Variants in MEF2C observed in about 807,000 individuals in gnomAD.
The protein encoded by MEF2C is myocyte-specific enhancer factor 2C.
A neutral mutation model predicts 50.5 loss-of-function variants in MEF2C; 6 were observed. The ratio of observed to expected loss-of-function variants is 0.12; its 90% CI spans 0.07 to 0.23. The LOEUF is 0.23. Ranked by LOEUF, MEF2C falls within the 10% of genes least tolerant of loss-of-function variation. The pLI is 1.00. For missense variants in MEF2C, 276 were observed against 605.0 expected, an observed-to-expected ratio of 0.46 and a Z score of 5.70; for synonymous variants, 183 against 228.0, an observed-to-expected ratio of 0.80 and a Z score of 1.78.
At chr5:88,793,497 C>T (rs1794720159) in intron 3 of MEF2C, among the ~76,000 whole-genome samples, 1 of 152,058 alleles carries the variant, frequency 6.6e-6, no homozygotes, top group Admixed American at 6.6e-5. Context: ...TAGCATATAA[C>T]ACAGAGCAGG....
intron 3 of MEF2C, among the ~76,000 whole-genome samples, chr5:88,798,709 G>A (rs906858307): frequency 8.5e-5 from 13 of 152,072 alleles, no homozygotes; most frequent in Admixed American, 6.5e-4. Flanking sequence ...ATCCTTTGGA[G>A]GAGAAGAGGC....
chr5:88,839,520 A>G (rs2153308121), intron 1 of MEF2C: 1 of 152,318 alleles, frequency 6.6e-6, no homozygotes, highest in Admixed American at 6.5e-5. Flanking sequence ...ATTCAGTAAG[A>G]ACGAATCTGT....
chr5:88,833,550 G>A (rs777095549), intron 1 of MEF2C, among the ~76,000 whole-genome samples: 11 of 152,152 alleles, frequency 7.2e-5, no homozygotes, highest in Admixed American at 1.3e-4. Flanking sequence ...GCCAGCAGGG[G>A]TGGAAACTCT....
At chr5:88,868,081 G>C (rs1365682515) in intron 1 of MEF2C, among the ~76,000 whole-genome samples, 1 of 152,152 alleles carries the variant, frequency 6.6e-6, no homozygotes, top group Non-Finnish European at 1.5e-5. Flanking sequence ...TACCCCCTGT[G>C]TTGGAAATCA....
rs149210894 is a variant in MEF2C at position 88,732,694 on chromosome 5, T to A, written c.638-793A>T. The stretch of plus-strand genomic sequence containing the variant: ...GTGGGTATCCCAAGGTCTGCGTTTT[T>A]CATATTTCAAAATATGACCAAGAGA... On this transcript the variant is annotated intron_variant, in intron 6 of 10. Transcript: ENST00000504921. 8.5e-5 allele frequency among the ~76,000 whole-genome samples: 13 copies of A among 152,310 alleles called. No homozygotes were observed. In the East Asian group the frequency reaches 2.5e-3, roughly 29 times the overall value.
At chr5:88,738,487 C>T in intron 6 of MEF2C, 2 of 869,374 alleles carry the variant, frequency 2.3e-6, no homozygotes, top group Non-Finnish European at 2.8e-6. Flanking sequence ...AATGAGAAAA[C>T]CGAAGAAAAG....
At chr5:88,784,813 C>T (rs186242202) in intron 3 of MEF2C, among the ~76,000 whole-genome samples, 18 of 152,226 alleles carry the variant, frequency 1.2e-4, no homozygotes, top group Admixed American at 2.0e-4. Context: ...AAAATGGTTT[C>T]GCAGGGTTGT....
intron 3 of MEF2C, among the ~76,000 whole-genome samples, chr5:88,781,292 T>C (rs1482694078): frequency 1.3e-5 from 2 of 152,244 alleles, no homozygotes; most frequent in East Asian, 3.8e-4. Context: ...TTTAAAATTT[T>C]TGCCTAAATT....
chr5:88,873,911 G>GA (rs1830333254), intron 1 of MEF2C, among the ~76,000 whole-genome samples: 1 of 151,762 alleles, frequency 6.6e-6, no homozygotes, highest in South Asian at 2.1e-4. Context: ...ATTTAGTTAA[G>GA]AAAAATCATC....
intron 2 of MEF2C, among the ~76,000 whole-genome samples, chr5:88,819,609 C>G (rs1327523201): frequency 1.3e-5 from 2 of 151,956 alleles, no homozygotes; most frequent in Non-Finnish European, 2.9e-5. Flanking sequence ...AGGCCTTTCT[C>G]CAACCCTGAT....
chr5:88,872,981 A>G (rs1156567323), intron 1 of MEF2C, among the ~76,000 whole-genome samples: 1 of 151,912 alleles, frequency 6.6e-6, no homozygotes, highest in African/African-American at 2.4e-5. Flanking sequence ...CTCTCTCGAG[A>G]GTGTATCTTC....
At chr5:88,723,118 G>A (rs1018852543) in intron 10 of MEF2C, among the ~76,000 whole-genome samples, 193 bp from the exon 11 acceptor site, 4 of 152,246 alleles carry the variant, frequency 2.6e-5, no homozygotes, top group Admixed American at 6.5e-5. Context: ...TGATTTGCCC[G>A]GTAGTAATTA....
chr5:88,857,232 C>A (rs1227336222), intron 1 of MEF2C, among the ~76,000 whole-genome samples: 2 of 152,154 alleles, frequency 1.3e-5, no homozygotes, highest in East Asian at 1.9e-4. Context: ...GGGCCTGTAG[C>A]CCCTTTGTTT....
chr5:88,896,943 C>T (rs917547946), intron 1 of MEF2C, among the ~76,000 whole-genome samples: 2 of 98,300 alleles, frequency 2.0e-5, no homozygotes, highest in Admixed American at 1.1e-4. Context: ...CTCAGTAAAG[C>T]TACACACACA....
At chr5:88,857,065 G>A (rs1823691739) in intron 1 of MEF2C, among the ~76,000 whole-genome samples, 1 of 152,206 alleles carries the variant, frequency 6.6e-6, no homozygotes, top group Non-Finnish European at 1.5e-5. Context: ...GGGGCTGGGG[G>A]GCTATACCCT....
intron 1 of MEF2C, among the ~76,000 whole-genome samples, chr5:88,878,800 GTCCT>G (rs1454466738): frequency 1.3e-5 from 2 of 152,010 alleles, no homozygotes; most frequent in African/African-American, 4.8e-5. Flanking sequence ...GAAATGGATA[GTCCT>G]TGTGCAATTT....
chr5:88,752,589 T>C, intron 4 of MEF2C: 1 of 981,960 alleles, frequency 1.0e-6, no homozygotes, highest in Non-Finnish European at 1.2e-6. Context: ...CATTTTAACA[T>C]ACAAGATTCA....
intron 1 of MEF2C, among the ~76,000 whole-genome samples, chr5:88,848,286 C>T (rs1207407116): frequency 1.4e-4 from 21 of 152,068 alleles, no homozygotes; most frequent in Admixed American, 1.4e-3. Flanking sequence ...GTGGCCAAAA[C>T]CATTTTAGTA....
intron 1 of MEF2C, among the ~76,000 whole-genome samples, chr5:88,865,527 G>C (rs557530505): frequency 6.6e-6 from 1 of 152,218 alleles, no homozygotes. Flanking sequence ...CTCAGTCTTA[G>C]GGTAATCCAG....
Sources: gnomAD v4.1 joint callset for allele counts (sites outside exome capture counted in the v4.1 genomes callset) on GRCh38, gnomAD v4.1.1 for gene constraint, MANE v1.5 for transcripts, NCBI Gene and HGNC (gene_info 2026-07-23, HGNC 2026-07-21) for gene names.